FAM3B: variants seen among roughly 807,000 people sequenced by gnomAD.
FAM3B encodes the protein protein FAM3B.
FAM3B carries 29 observed loss-of-function variants against 28.4 expected under a neutral mutation model. That is an observed-to-expected ratio of 1.02 (90% confidence interval 0.76 to 1.39). The LOEUF (loss-of-function observed/expected upper bound fraction) is 1.39, where lower values mean the gene tolerates loss of function less well. Ranked by LOEUF, FAM3B falls within the 40% of genes most tolerant of loss-of-function variation. FAM3B has a pLI of 0.00. For synonymous variants in FAM3B, 91 were observed against 103.0 expected, an observed-to-expected ratio of 0.88 and a Z score of 0.71; for missense variants, 266 against 293.9, an observed-to-expected ratio of 0.91 and a Z score of 0.69.
At position 41,305,744 on chromosome 21, in the gene FAM3B, C is replaced by T. The variant is rs8128131; in HGVS notation, n.99+1434C>T. ...TAAAAGTGCCAACGTTCATCTGAGA[C>T]TTCAAAGAATCATAATCTTTTTGCT... On this transcript the variant is annotated intron_variant and non_coding_transcript_variant, in intron 1 of 9. Coordinates refer to the FAM3B transcript ENST00000479810. Among the ~76,000 whole-genome samples, 1,120 of 152,332 alleles carry T rather than the reference C, an allele frequency of 7.4e-3. 17 individuals are homozygous for T. The highest frequency in any genetic ancestry group is 0.025 in the African/African-American group (1,051 of 41,574).
intron 4 of FAM3B, among the ~76,000 whole-genome samples, chr21:41,345,454 C>T (rs2089048426): frequency 6.6e-6 from 1 of 152,076 alleles, no homozygotes; most frequent in Admixed American, 6.5e-5. Context: ...TCAGGTGTAA[C>T]CCAAAGCAAA....
Position 41,316,860 on chromosome 21 carries a change from AG to A in FAM3B, c.-16del, listed in dbSNP as rs2088753966. 7.0e-7 allele frequency: 1 copy of A among 1,429,282 alleles called. No homozygotes were observed. The highest frequency in any genetic ancestry group is 1.4e-5 in the South Asian group (1 of 69,048). The allele number at this position is 1,429,282 out of a possible 1,614,324, so 88.5% of individuals were successfully genotyped here. On this transcript the variant is annotated 5_prime_UTR_variant, in exon 1 of 8. Transcript: ENST00000357985. Reference sequence around the variant, plus strand: ...CCTGGGAGCTGCCGCCAGGGCCAGGAGGGGAGCGGCACCTGGAAGATGCGCC... The same window carrying A: ...CCTGGGAGCTGCCGCCAGGGCCAGGAGGGAGCGGCACCTGGAAGATGCGCC...
intron 1 of FAM3B, chr21:41,319,313 T>C (rs2088780327): frequency 6.6e-6 from 1 of 152,202 alleles, no homozygotes; most frequent in Non-Finnish European, 1.5e-5. Flanking sequence ...GCAGACACGC[T>C]AGAGGTGAGT....
At chr21:41,309,054 G>A (rs901433414) in intron 1 of FAM3B, among the ~76,000 whole-genome samples, 2 of 152,142 alleles carry the variant, frequency 1.3e-5, no homozygotes, top group East Asian at 1.9e-4. Context: ...TTAAGAGACC[G>A]AGGCTCTAGC....
rs1319739832 is a variant in FAM3B, at chr21:41,311,250, AAATATATATATATATAT to A, written n.99+6942_99+6958del. 1.4e-3 allele frequency among the ~76,000 whole-genome samples: 76 copies of A among 55,970 alleles called. 1 individual carries two copies. The highest frequency in any genetic ancestry group is 4.5e-3 in the African/African-American group (58 of 12,830). The allele number at this position is 55,970 out of a possible 152,430, so 36.7% of individuals were successfully genotyped here. A position where few individuals can be genotyped will look rare whatever the true frequency, so the allele number is the denominator to read the frequency against. On this transcript the variant is annotated intron_variant and non_coding_transcript_variant, in intron 1 of 9. Transcript: ENST00000479810. ...CCCTGTCTCTACAAAAAAAAAAAAA[AAATATATATATATATAT>A]ATATATATATATATATATATATATA...
At chr21:41,338,304 C>A (rs1041616869) in intron 2 of FAM3B, 74 bp from the exon 3 acceptor site, 2 of 1,567,410 alleles carry the variant, frequency 1.3e-6, no homozygotes, top group Admixed American at 1.7e-5. Flanking sequence ...TGCTGGTGTT[C>A]TCCGCCAAGC....
Position 41,338,098 on chromosome 21 carries a change from C to A in FAM3B, c.164-280C>A, listed in dbSNP as rs2088972107. ...TGCCCACCAAGAATGTCACAATGGG[C>A]AGCCATGGGCAGTGATTCCCAGCCC... is the stretch of plus-strand genomic sequence containing the variant. On this transcript the variant is annotated intron_variant, in intron 2 of 7. Coordinates refer to ENST00000357985, the MANE Select transcript of FAM3B (RefSeq NM_058186.4). 2.6e-5 allele frequency among the ~76,000 whole-genome samples: 4 copies of A among 152,114 alleles called. No homozygotes were observed. In the South Asian group the frequency reaches 8.3e-4, roughly 32 times the overall value.
rs993297865 is a variant in FAM3B, at chr21:41,331,849, T to C, written c.164-6529T>C. On this transcript the variant is annotated intron_variant, in intron 2 of 7. Transcript: ENST00000357985. ...TGTTTTCTGTCTAAACCATATGACA[T>C]TATCATACAGTTTTTGTCCTTCATT... is the stretch of plus-strand genomic sequence containing the variant. Among the ~76,000 whole-genome samples, 4 of 152,380 alleles carry C rather than the reference T, an allele frequency of 2.6e-5. No individual in the cohort carries two copies. The East Asian group carries it at 5.8e-4, about 22-fold the overall frequency.
chr21:41,321,461 C>A (rs1423347938), intron 1 of FAM3B, among the ~76,000 whole-genome samples: 1 of 152,224 alleles, frequency 6.6e-6, no homozygotes, highest in East Asian at 1.9e-4. Context: ...GCACCTGTCT[C>A]ATTTTGTTTT....
chr21:41,307,020 G>C lies in FAM3B; in HGVS notation n.99+2710G>C, dbSNP rs762464881. On this transcript the variant is annotated intron_variant and non_coding_transcript_variant, in intron 1 of 9. Coordinates refer to the FAM3B transcript ENST00000479810. Reference sequence around the variant, plus strand: ...AGAGTTAGCCTGTCTCTGAAGCTTCGAACCAGTCATGGACTTTTCCTCTCT... The same window carrying C: ...AGAGTTAGCCTGTCTCTGAAGCTTCCAACCAGTCATGGACTTTTCCTCTCT... 4.3e-4 allele frequency among the ~76,000 whole-genome samples: 66 copies of C among 152,276 alleles called. 1 individual carries two copies. The highest frequency in any genetic ancestry group is 6.9e-4 in the Non-Finnish European group (47 of 68,026).
intron 7 of FAM3B, among the ~76,000 whole-genome samples, chr21:41,356,068 CACACACACACACACACAT>C (rs2089164821): frequency 6.6e-6 from 1 of 150,652 alleles, no homozygotes; most frequent in African/African-American, 2.5e-5. Flanking sequence ...CACACACACA[CACACACACACACACACAT>C]AGTTTTACTC....
chr21:41,324,873 G>A (rs368010698), intron 2 of FAM3B, among the ~76,000 whole-genome samples: 92 of 152,288 alleles, frequency 6.0e-4, no homozygotes, highest in South Asian at 2.9e-3. Flanking sequence ...AGGCCGAGGC[G>A]GGCACATCAC....
intron 1 of FAM3B, chr21:41,322,525 G>T (rs1295404999): frequency 4.2e-6 from 3 of 706,116 alleles, no homozygotes; most frequent in East Asian, 5.4e-5. Flanking sequence ...CAATGTAATT[G>T]CAGGAGCGTG....
intron 1 of FAM3B, among the ~76,000 whole-genome samples, chr21:41,308,023 A>G (rs1031124913): frequency 1.2e-4 from 18 of 152,346 alleles, no homozygotes; most frequent in Middle Eastern, 3.4e-3. Flanking sequence ...GTGAAGCACA[A>G]TAAAGTGAGG....
At position 41,356,040 on chromosome 21, in the gene FAM3B, T is replaced by C. The variant is rs1555873667; in HGVS notation, c.619-1068T>C. ...ACAAGGACTCTGGGAAAAAAATACA[T>C]ACACACACACACACACACACACACA... On this transcript the variant is annotated intron_variant, in intron 7 of 7. Coordinates refer to ENST00000357985, the MANE Select transcript of FAM3B (RefSeq NM_058186.4). Among the ~76,000 whole-genome samples the C allele has an allele frequency of 6.4e-4, 77 of 119,962 alleles. 1 individual carries two copies. The highest frequency in any genetic ancestry group is 9.8e-4 in the East Asian group (4 of 4,088). 78.7% of individuals were successfully genotyped at this position (119,962 alleles called of 152,430 possible).
intron 2 of FAM3B, among the ~76,000 whole-genome samples, chr21:41,336,967 A>G (rs2088961511): frequency 6.6e-6 from 1 of 152,108 alleles, no homozygotes; most frequent in African/African-American, 2.4e-5. Context: ...CATTTTTTAA[A>G]TCTGTCGAGC....
chr21:41,346,738 T>G (rs1017774263), intron 5 of FAM3B, among the ~76,000 whole-genome samples: 4 of 152,180 alleles, frequency 2.6e-5, no homozygotes, highest in Non-Finnish European at 5.9e-5. Flanking sequence ...CTCCTTATCT[T>G]GACCCCCTTT....
intron 1 of FAM3B, among the ~76,000 whole-genome samples, chr21:41,322,391 T>G (rs545653733): frequency 6.6e-6 from 1 of 152,286 alleles, no homozygotes; most frequent in Admixed American, 6.6e-5. Context: ...TTTTTCCCAG[T>G]ATTACGGGGC....
intron 3 of FAM3B, among the ~76,000 whole-genome samples, chr21:41,340,453 A>G (rs763389981): frequency 2.0e-5 from 3 of 152,130 alleles, no homozygotes; most frequent in Non-Finnish European, 4.4e-5. Flanking sequence ...CACCCAGCCA[A>G]AGTTGTCCTT....
Sources: gnomAD v4.1 joint callset for allele counts (sites outside exome capture counted in the v4.1 genomes callset) on GRCh38, gnomAD v4.1.1 for gene constraint, MANE v1.5 for transcripts, NCBI Gene and HGNC (gene_info 2026-07-23, HGNC 2026-07-21) for gene names.